The following PCLO variants were observed in gnomAD, a reference collection of about 807,000 sequenced individuals.
PCLO encodes piccolo presynaptic cytomatrix protein, also known as protein piccolo.
PCLO carries 82 observed loss-of-function variants against 427.5 expected under a neutral mutation model. The ratio of observed to expected loss-of-function variants is 0.19; its 90% CI spans 0.16 to 0.23. The LOEUF (loss-of-function observed/expected upper bound fraction) is 0.23, where lower values mean the gene tolerates loss of function less well. Ranked by LOEUF, PCLO falls within the 10% of genes least tolerant of loss-of-function variation. PCLO has a pLI of 1.00. For synonymous variants in PCLO, 2,357 were observed against 2,155.4 expected (o/e 1.09, Z -2.59); for missense variants, 6,239 against 6,115.9 (o/e 1.02, Z -0.67).
intron 21 of PCLO, among the ~76,000 whole-genome samples, chr7:82,804,886 C>A (rs750535603): frequency 6.6e-6 from 1 of 152,098 alleles, no homozygotes; most frequent in Non-Finnish European, 1.5e-5. Flanking sequence ...CTGGCGTAAA[C>A]CCTGGGACCT....
intron 3 of PCLO, among the ~76,000 whole-genome samples, chr7:83,131,978 T>C (rs1791586208): frequency 6.6e-6 from 1 of 152,174 alleles, no homozygotes; most frequent in African/African-American, 2.4e-5. Flanking sequence ...TACAAAGGTA[T>C]ATATATGCAT....
intron 3 of PCLO, among the ~76,000 whole-genome samples, chr7:83,019,695 T>A (rs1481659751): frequency 6.6e-6 from 1 of 152,060 alleles, no homozygotes; most frequent in African/African-American, 2.4e-5. Context: ...TATGTAAACA[T>A]CATTTCTATG....
At chr7:82,958,790 G>A (rs1304438792) in intron 4 of PCLO, among the ~76,000 whole-genome samples, 1 of 152,184 alleles carries the variant, frequency 6.6e-6, no homozygotes, top group Non-Finnish European at 1.5e-5. Context: ...TGGTGAAGCT[G>A]CCTTCTAATA....
At chr7:82,902,617 C>G in intron 9 of PCLO, 34 bp downstream of exon 9, 1 of 1,273,684 alleles carries the variant, frequency 7.9e-7, no homozygotes, top group Non-Finnish European at 1.1e-6. Context: ...AACAAAAAAA[C>G]AAAAAAAATA....
rs187873528 is a variant in PCLO at position 83,138,382 on chromosome 7, C to T, written c.1894-2726G>A. ...TGAATAAAAGAAGCAAAAATCATGC[C>T]GGGCGCTGTGGCTCAGGCCTGTAAT... is the stretch of plus-strand genomic sequence containing the variant. On this transcript the variant is annotated intron_variant, in intron 2 of 24. Coordinates refer to ENST00000333891, the MANE Select transcript of PCLO (RefSeq NM_033026.6). Among the ~76,000 whole-genome samples, 1,084 of 152,180 alleles carry T rather than the reference C, an allele frequency of 7.1e-3. 7 individuals are homozygous for T. The highest frequency in any genetic ancestry group is 0.014 in the South Asian group (66 of 4,822).
rs200959277 is a variant in PCLO, at chr7:83,136,508, T to TC, written c.1894-853dup. Among the ~76,000 whole-genome samples, 459 of 152,066 alleles carry TC rather than the reference T, an allele frequency of 3.0e-3. 18 individuals are homozygous for TC. In the East Asian group the frequency reaches 0.064, roughly 21 times the overall value. On this transcript the variant is annotated intron_variant, in intron 2 of 24. Transcript: ENST00000333891. Reference sequence around the variant, plus strand: ...ATTTTTAAAATTAGCAAAGCATTACTCCCCCCTCCCAGGTGACATTCAAAT... The same window carrying TC: ...ATTTTTAAAATTAGCAAAGCATTACTCCCCCCCTCCCAGGTGACATTCAAAT...
chr7:83,160,259 G>A (rs1792400580), intron 1 of PCLO, among the ~76,000 whole-genome samples: 1 of 152,074 alleles, frequency 6.6e-6, no homozygotes, highest in African/African-American at 2.4e-5. Context: ...TTTGTAATTT[G>A]CTATGAGTTG....
At position 82,955,186 on chromosome 7, in the gene PCLO, G is replaced by C; in HGVS notation, c.5767C>G (p.His1923Asp). Residue 1923 changes from histidine to aspartate, a missense_variant, in exon 5 of 25, where the codon CAT (histidine) becomes GAT (aspartate). Around this residue, in one of 5 missense-constraint regions of PCLO, gnomAD observed 4,677 missense variants for 4,468.4 expected, o/e 1.05. Coordinates refer to ENST00000333891, the MANE Select transcript of PCLO (RefSeq NM_033026.6). ...SAEEMYEEMM[H>D]KTHKYKAFPA... ...AAAGCTTTGTATTTGTGTGTTTTATGCATCATTTCTTCATACATCTCCTCA... is the reference window on the plus strand; with the variant it reads ...AAAGCTTTGTATTTGTGTGTTTTATCCATCATTTCTTCATACATCTCCTCA... 1 of 1,613,698 alleles carries C rather than the reference G, an allele frequency of 6.2e-7. No homozygotes were observed. The highest frequency in any genetic ancestry group is 8.5e-7 in the Non-Finnish European group (1 of 1,179,830).
At chr7:82,807,785 G>A (rs1583996141) in intron 20 of PCLO, among the ~76,000 whole-genome samples, 1 of 151,880 alleles carries the variant, frequency 6.6e-6, no homozygotes, top group African/African-American at 2.4e-5. Context: ...AGGAAAATGT[G>A]TTCCTAACTT....
In PCLO at chr7:83,062,952, A is replaced by C. The variant is rs1289298621; in HGVS notation, c.3300+71298T>G. ...AATTACTATTTCCAAATTTTCACAT[A>C]TATAACTGCTATATTAATATTCCTA... On this transcript the variant is annotated intron_variant, in intron 3 of 24. Coordinates refer to ENST00000333891, the MANE Select transcript of PCLO (RefSeq NM_033026.6). Among the ~76,000 whole-genome samples the C allele has an allele frequency of 2.6e-5, 4 of 152,076 alleles. No individual in the cohort carries two copies. The East Asian group carries it at 7.7e-4, about 29-fold the overall frequency.
intron 22 of PCLO, among the ~76,000 whole-genome samples, chr7:82,769,278 A>G (rs1407958098): frequency 6.6e-6 from 1 of 152,182 alleles, no homozygotes; most frequent in Non-Finnish European, 1.5e-5. Context: ...TGTTTAAACA[A>G]CGGAAGATGT....
At chr7:82,998,391 AAACAACAACAACAAC>A (rs79603092) in intron 3 of PCLO, among the ~76,000 whole-genome samples, 14,976 of 149,202 alleles carry the variant, frequency 0.1, 1,018 homozygotes, top group Non-Finnish European at 0.14. Context: ...TGTCCTTTAA[AAACAACAACAACAAC>A]AACAACAACA....
intron 3 of PCLO, among the ~76,000 whole-genome samples, chr7:83,132,820 T>TAA (rs1268208298): frequency 6.6e-6 from 1 of 152,070 alleles, no homozygotes; most frequent in Non-Finnish European, 1.5e-5. Flanking sequence ...GTTTAATATA[T>TAA]AAAATAAATA....
At chr7:82,916,972 T>A in intron 6 of PCLO, 99 bp from the exon 7 acceptor site, 2 of 819,644 alleles carry the variant, frequency 2.4e-6, no homozygotes, top group Non-Finnish European at 3.6e-6. Flanking sequence ...ATTTCATGTA[T>A]GATTTTGCTA....
chr7:82,805,086 C>CTTTT (rs111966448), intron 21 of PCLO, among the ~76,000 whole-genome samples: 1 of 149,294 alleles, frequency 6.7e-6, no homozygotes, highest in African/African-American at 2.5e-5. Flanking sequence ...TGCAAAATGA[C>CTTTT]TTTTTTTTTA....
intron 3 of PCLO, among the ~76,000 whole-genome samples, chr7:83,130,909 C>T (rs6946469): frequency 0.59 from 90,316 of 152,048 alleles, 28,198 homozygotes; most frequent in African/African-American, 0.8. Context: ...CCAGGACTTC[C>T]TGAAACATGA....
intron 10 of PCLO, among the ~76,000 whole-genome samples, chr7:82,860,610 A>G (rs1157596880): frequency 1.3e-5 from 2 of 152,090 alleles, no homozygotes; most frequent in Non-Finnish European, 2.9e-5. Flanking sequence ...ATAAATAATC[A>G]CCTGATGGTC....
chr7:82,888,773 GCAAAA>G, intron 9 of PCLO, among the ~76,000 whole-genome samples: 1 of 152,030 alleles, frequency 6.6e-6, no homozygotes, highest in African/African-American at 2.4e-5. Flanking sequence ...CTGTGTTGCA[GCAAAA>G]CAAAACAAAC....
At chr7:82,882,779 T>G (rs370929032) in intron 9 of PCLO, among the ~76,000 whole-genome samples, 4 of 152,218 alleles carry the variant, frequency 2.6e-5, no homozygotes, top group African/African-American at 7.2e-5. Context: ...TATGCTACTT[T>G]GGAGTCACTT....
Sources: allele counts gnomAD v4.1 joint callset (sites outside exome capture counted in the v4.1 genomes callset), GRCh38; gene constraint gnomAD v4.1.1; regional missense constraint gnomAD v4.1.1; transcripts MANE v1.5; gene names NCBI Gene and HGNC (gene_info 2026-07-23, HGNC 2026-07-21).